The following PKP1 variants were observed in gnomAD, a reference collection of about 807,000 sequenced individuals.
PKP1 encodes plakophilin 1, also known as plakophilin-1.
PKP1 carries 27 observed loss-of-function variants against 76.4 expected under a neutral mutation model. The observed-to-expected ratio is 0.35, with a 90% CI of 0.26 to 0.49. The LOEUF is 0.49. Among genes scored for constraint, PKP1 ranks in the 20% least tolerant of loss-of-function variants. The pLI, the probability that PKP1 is intolerant of heterozygous loss-of-function variation, is 0.99. For missense variants in PKP1, 964 were observed against 955.2 expected, an observed-to-expected ratio of 1.01 and a Z score of -0.12; for synonymous variants, 404 against 384.2, an observed-to-expected ratio of 1.05 and a Z score of -0.60.
rs1655651067 is a variant in PKP1 at position 201,283,979 on chromosome 1, C to T, written c.202+75C>T. 4 of 1,342,040 alleles carry T rather than the reference C, an allele frequency of 3.0e-6. No homozygotes were observed. The African/African-American group carries it at 5.8e-5, about 19-fold the overall frequency. 83.1% of individuals were successfully genotyped at this position (1,342,040 alleles called of 1,614,324 possible). Reference sequence around the variant, plus strand: ...TGGCCCAGTGGCGGGGACCAAGAGACGCACGCATCCCCGGGGATGAGGGGA... The same window carrying T: ...TGGCCCAGTGGCGGGGACCAAGAGATGCACGCATCCCCGGGGATGAGGGGA... On this transcript the variant is annotated intron_variant, in intron 1 of 13. Coordinates refer to ENST00000367324, the MANE Select transcript of PKP1 (RefSeq NM_001005337.3).
intron 3 of PKP1, among the ~76,000 whole-genome samples, chr1:201,315,023 C>G (rs930431403): frequency 6.6e-6 from 1 of 152,256 alleles, no homozygotes; most frequent in African/African-American, 2.4e-5. Flanking sequence ...CCACACTGTT[C>G]TGAAAATAAG....
intron 2 of PKP1, among the ~76,000 whole-genome samples, chr1:201,299,757 T>C (rs1032385183): frequency 6.6e-6 from 1 of 152,246 alleles, no homozygotes; most frequent in Non-Finnish European, 1.5e-5. Context: ...TCATTTACTT[T>C]AGCTTCACAG....
chr1:201,331,841 G>T lies in PKP1; in HGVS notation c.*1800G>T, dbSNP rs953198068. 19 of 152,354 alleles carry T rather than the reference G, an allele frequency of 1.2e-4. No homozygotes were observed. The highest frequency in any genetic ancestry group is 4.6e-4 in the African/African-American group (19 of 41,444). The allele number at this position is 152,354 out of a possible 1,614,324, so 9.4% of individuals were successfully genotyped here. On this transcript the variant is annotated 3_prime_UTR_variant, in exon 14 of 14. Coordinates refer to ENST00000367324, the MANE Select transcript of PKP1 (RefSeq NM_001005337.3). ...TCCCTTGCTTCTGTTCACACTGGGAGGCCCACTCCTGGCTCACCTCTCCCT... is the reference window on the plus strand; with the variant it reads ...TCCCTTGCTTCTGTTCACACTGGGATGCCCACTCCTGGCTCACCTCTCCCT...
intron 5 of PKP1, among the ~76,000 whole-genome samples, chr1:201,318,174 T>TG (rs1656821507): frequency 6.6e-6 from 1 of 151,708 alleles, no homozygotes; most frequent in Non-Finnish European, 1.5e-5. Flanking sequence ...GCACTCAAGG[T>TG]GGGGGGCACA....
Position 201,313,563 on chromosome 1 carries a change from G to A in PKP1, c.701+3G>A, listed in dbSNP as rs1195351575. The stretch of plus-strand genomic sequence containing the variant: ...GGCCACTCTAGGGCCAGCTCCAAGT[G>A]AGTGCTGCTGGGCTGGGTTGGGGAG... On this transcript the variant is annotated splice_donor_region_variant and intron_variant, in intron 3 of 13. Coordinates refer to ENST00000367324, the MANE Select transcript of PKP1 (RefSeq NM_001005337.3). The A allele has an allele frequency of 3.1e-6, 5 of 1,610,732 alleles. No individual in the cohort carries two copies. The highest frequency in any genetic ancestry group is 3.4e-6 in the Non-Finnish European group (4 of 1,177,642).
At chr1:201,314,044 T>C (rs57933662) in intron 3 of PKP1, among the ~76,000 whole-genome samples, 15,793 of 152,308 alleles carry the variant, frequency 0.1, 1,302 homozygotes, top group African/African-American at 0.23. Flanking sequence ...TCTATCCATG[T>C]TCTGAAAGAG....
chr1:201,305,453 G>A (rs1656344972), intron 2 of PKP1, among the ~76,000 whole-genome samples: 1 of 152,194 alleles, frequency 6.6e-6, no homozygotes, highest in Admixed American at 6.5e-5. Flanking sequence ...GGAGGTCAAG[G>A]CTGCAGTGAG....
At position 201,320,395 on chromosome 1, in the gene PKP1, C is replaced by G. The variant is rs768506637; in HGVS notation, c.1347+14C>G. On this transcript the variant is annotated intron_variant, in intron 7 of 13. Transcript: ENST00000367324. Reference sequence around the variant, plus strand: ...TGTGACGACAAGGTGAGTGCATCCCCTGGTGGCACCCTGACCCCTAGGCCC... The same window carrying G: ...TGTGACGACAAGGTGAGTGCATCCCGTGGTGGCACCCTGACCCCTAGGCCC... The G allele has an allele frequency of 3.9e-6, 6 of 1,540,284 alleles. No homozygotes were observed. The highest frequency in any genetic ancestry group is 1.7e-5 in the Admixed American group (1 of 59,882).
At chr1:201,287,913 T>C (rs1452552403) in intron 1 of PKP1, among the ~76,000 whole-genome samples, 1 of 152,226 alleles carries the variant, frequency 6.6e-6, no homozygotes, top group Non-Finnish European at 1.5e-5. Context: ...GTGAAGTTCC[T>C]TCTAGGCATA....
intron 2 of PKP1, among the ~76,000 whole-genome samples, chr1:201,310,051 C>G (rs977180289): frequency 6.6e-6 from 1 of 152,170 alleles, no homozygotes; most frequent in Non-Finnish European, 1.5e-5. Context: ...GGTGCATACA[C>G]TTTCCTGGGC....
rs1657333232 is a variant in PKP1 at position 201,331,813 on chromosome 1, C to A, written c.*1772C>A. The stretch of plus-strand genomic sequence containing the variant: ...GCTGTGGTGCTGTGGGTCTGTCATA[C>A]CCTCCCTTGCTTCTGTTCACACTGG... On this transcript the variant is annotated 3_prime_UTR_variant, in exon 14 of 14. Coordinates refer to ENST00000367324, the MANE Select transcript of PKP1 (RefSeq NM_001005337.3). The A allele has an allele frequency of 6.6e-6, 1 of 152,286 alleles. No homozygotes were observed. The highest frequency in any genetic ancestry group is 1.5e-5 in the Non-Finnish European group (1 of 68,128). The allele number at this position is 152,286 out of a possible 1,614,324, so 9.4% of individuals were successfully genotyped here.
At chr1:201,316,311 T>C in intron 3 of PKP1, 3 of 548,646 alleles carry the variant, frequency 5.5e-6, no homozygotes, top group Non-Finnish European at 9.8e-6. Context: ...GCTAGGACAT[T>C]AACTGTGACC....
chr1:201,299,851 T>C (rs775762945), intron 2 of PKP1, among the ~76,000 whole-genome samples: 51 of 152,212 alleles, frequency 3.4e-4, no homozygotes, highest in Middle Eastern at 3.2e-3. Context: ...TTCCAAACCA[T>C]GTGTCTCAGC....
chr1:201,290,363 C>T (rs146198747), intron 1 of PKP1, among the ~76,000 whole-genome samples: 61 of 152,108 alleles, frequency 4.0e-4, no homozygotes, highest in Middle Eastern at 6.8e-3. Flanking sequence ...TCAGTGTCAC[C>T]GAGAAGCCAC....
chr1:201,318,397 A>G (rs1656832688), intron 5 of PKP1, among the ~76,000 whole-genome samples: 1 of 152,206 alleles, frequency 6.6e-6, no homozygotes, highest in Non-Finnish European at 1.5e-5. Context: ...TTGACAGAGA[A>G]CTCTGAGATG....
rs1247343030 is a variant in PKP1, at chr1:201,294,038, G to T, written c.299G>T (p.Gly100Val). The stretch of plus-strand genomic sequence containing the variant: ...TTCCAGGCAGGGAATGGCTCATGGG[G>T]ATATCCGGTAAGGAACTGCTTCCAT... The part of the protein sequence containing the change: ...SKFQAGNGSW[G>V]YPIYNGTLKR... The change falls in exon 2 of 14, where the codon GGA becomes GTA. Residue 100 changes from glycine (G) to valine (V), a missense_variant. Gly to Val is a moderately radical substitution (Grantham distance 109, BLOSUM62 -3). Coordinates refer to ENST00000367324, the MANE Select transcript of PKP1 (RefSeq NM_001005337.3). 39 of 1,606,826 alleles carry T rather than the reference G, an allele frequency of 2.4e-5. No individual in the cohort carries two copies. The highest frequency in any genetic ancestry group is 3.2e-5 in the Non-Finnish European group (38 of 1,173,514).
intron 2 of PKP1, among the ~76,000 whole-genome samples, chr1:201,308,494 A>G (rs1656433255): frequency 6.6e-6 from 1 of 152,226 alleles, no homozygotes; most frequent in Non-Finnish European, 1.5e-5. Context: ...CTTTAAGGGC[A>G]AATAATTCCA....
At position 201,313,803 on chromosome 1, in the gene PKP1, G is replaced by A. The variant is rs16848287; in HGVS notation, c.701+243G>A. Among the ~76,000 whole-genome samples, 1,503 of 152,350 alleles carry A rather than the reference G, an allele frequency of 9.9e-3. 16 individuals are homozygous for A. The highest frequency in any genetic ancestry group is 0.017 in the Non-Finnish European group (1,124 of 68,026). ...AGACATTGACTGTGTAGGTTTTAAA[G>A]GTCACAGTTTATGAACAGAAAGAGG... On this transcript the variant is annotated intron_variant, in intron 3 of 13. Coordinates refer to ENST00000367324, the MANE Select transcript of PKP1 (RefSeq NM_001005337.3).
intron 2 of PKP1, among the ~76,000 whole-genome samples, chr1:201,308,586 T>G (rs1024657430): frequency 6.6e-6 from 1 of 151,938 alleles, no homozygotes; most frequent in Non-Finnish European, 1.5e-5. Context: ...TAGATAAATG[T>G]AGGATTTGGG....
Sources: gnomAD v4.1 joint callset for allele counts (sites outside exome capture counted in the v4.1 genomes callset) on GRCh38, gnomAD v4.1.1 for gene constraint, MANE v1.5 for transcripts, NCBI Gene and HGNC (gene_info 2026-07-23, HGNC 2026-07-21) for gene names.